ITPR3: variants seen among roughly 807,000 people sequenced by gnomAD.
ITPR3 encodes inositol 1,4,5-trisphosphate receptor type 3.
A neutral mutation model predicts 293.2 loss-of-function variants in ITPR3; 173 were observed. The ratio of observed to expected loss-of-function variants is 0.59; its 90% CI spans 0.52 to 0.67. The LOEUF is 0.67. Among genes scored for constraint, ITPR3 ranks in the 30% least tolerant of loss-of-function variants. The probability of loss-of-function intolerance (pLI) is 0.00; values close to 1 mark genes in which losing one functional copy is unlikely to be tolerated. For missense variants in ITPR3, 2,796 were observed against 3,592.1 expected (o/e 0.78, Z 5.66); for synonymous variants, 1,295 against 1,444.4 (o/e 0.90, Z 2.35).
At position 33,676,998 on chromosome 6, in the gene ITPR3, CCT is replaced by C. The variant is rs748332572; in HGVS notation, c.3448-10_3448-9del. The C allele has an allele frequency of 1.6e-5, 26 of 1,613,984 alleles. No homozygotes were observed. The highest frequency in any genetic ancestry group is 2.0e-5 in the Non-Finnish European group (24 of 1,179,970). On this transcript the variant is annotated splice_polypyrimidine_tract_variant and intron_variant, in intron 26 of 57. Transcript: ENST00000605930. Reference sequence around the variant, plus strand: ...AGGGCTGGGCCTGGCTGATCTCCTTCCTCTCTCTGCTTTCAGCGTCCCACGGA... The same window carrying C: ...AGGGCTGGGCCTGGCTGATCTCCTTCCTCTCTGCTTTCAGCGTCCCACGGA...
intron 39 of ITPR3, among the ~76,000 whole-genome samples, 186 bp from the exon 40 acceptor site, chr6:33,685,172 AC>A (rs1159402065): frequency 6.6e-5 from 10 of 152,134 alleles, no homozygotes. Flanking sequence ...GGACCACGTG[AC>A]ACAGGAGCAG....
At chr6:33,653,993 C>T (rs1014148094) in intron 2 of ITPR3, among the ~76,000 whole-genome samples, 1 of 152,166 alleles carries the variant, frequency 6.6e-6, no homozygotes, top group Non-Finnish European at 1.5e-5. Flanking sequence ...CTCTGCCGGG[C>T]GTGGTGGCTC....
rs201389648 is a variant in ITPR3 at position 33,680,352 on chromosome 6, C to T, written c.4248C>T (p.Phe1416=). The T allele has an allele frequency of 9.9e-6, 16 of 1,613,758 alleles. No individual in the cohort carries two copies. The highest frequency in any genetic ancestry group is 6.6e-5 in the South Asian group (6 of 91,080). ...ITEVKMAYVN[F]VNHCYVDTEV... ...AGGTGAAAATGGCCTATGTGAACTT[C>T]GTGAACCACTGCTACGTGGACACGG... Residue 1416 remains phenylalanine (F), a synonymous_variant, in exon 32 of 58, where the codon TTC becomes TTT. Transcript: ENST00000605930.
rs760406790 is a variant in ITPR3 at position 33,676,842 on chromosome 6, C to G, written c.3357C>G (p.Thr1119=). Reference sequence around the variant, plus strand: ...AGTCGGAGCTGGACCGGCTGCGGACCATGGTGGAGAAGTCAGAGCTGTGGG... The same window carrying G: ...AGTCGGAGCTGGACCGGCTGCGGACGATGGTGGAGAAGTCAGAGCTGTGGG... ...VIKSELDRLR[T]MVEKSELWVD... Residue 1119 remains threonine (T), a synonymous_variant, in exon 26 of 58, where the codon ACC becomes ACG. Coordinates refer to ENST00000605930, the MANE Select transcript of ITPR3 (RefSeq NM_002224.4). The G allele has an allele frequency of 6.2e-7, 1 of 1,614,072 alleles. No individual in the cohort carries two copies. Among genetic ancestry groups the G allele is most frequent in the Non-Finnish European group, 8.5e-7 (1 of 1,179,968 alleles).
At chr6:33,674,415 C>T in intron 24 of ITPR3, 150 bp downstream of exon 24, 1 of 683,948 alleles carries the variant, frequency 1.5e-6, no homozygotes, top group Admixed American at 2.8e-5. Context: ...TCAGCCCCTC[C>T]CCTGCCTCCC....
Position 33,682,626 on chromosome 6 carries a change from C to T in ITPR3, c.4579C>T (p.Arg1527Trp), listed in dbSNP as rs188286665. Residue 1527 changes from arginine (R) to tryptophan (W), a missense_variant, in exon 34 of 58, where the codon CGG becomes TGG. Arg to Trp is a moderately radical substitution (Grantham distance 101). Transcript: ENST00000605930. This position sits in a 1 kb window ranked among gnomAD's most constrained non-coding sequence, Gnocchi z 5.4. ...CAAGGGCTCCGTGGAGGCCTGCATCCGGACCCTCGCCATGGTGGGTGAGTG... is the reference window on the plus strand; with the variant it reads ...CAAGGGCTCCGTGGAGGCCTGCATCTGGACCCTCGCCATGGTGGGTGAGTG... ...QHKGSVEACI[R>W]TLAMVAKGRA... 1.6e-5 allele frequency: 25 copies of T among 1,596,624 alleles called. No homozygotes were observed. The highest frequency in any genetic ancestry group is 6.9e-5 in the Admixed American group (4 of 57,648).
Position 33,679,857 on chromosome 6 carries a change from G to T in ITPR3, c.3973-25G>T. ...AGGGCTTGCTGGACCGAGAGAGTGT[G>T]ACACGTGCCCCCTCCCACCCGCAGC... is the stretch of plus-strand genomic sequence containing the variant. On this transcript the variant is annotated intron_variant, in intron 30 of 57. Transcript: ENST00000605930. This position sits in a 1 kb window ranked among gnomAD's most constrained non-coding sequence, Gnocchi z 4.2. The T allele has an allele frequency of 6.3e-7, 1 of 1,596,912 alleles. No individual in the cohort carries two copies. Among genetic ancestry groups the T allele is most frequent in the South Asian group, 1.1e-5 (1 of 88,810 alleles).
Position 33,691,661 on chromosome 6 carries a change from C to T in ITPR3, c.7272C>T (p.Thr2424=). The T allele has an allele frequency of 6.2e-7, 1 of 1,614,006 alleles. No individual in the cohort carries two copies. Among genetic ancestry groups the T allele is most frequent in the Non-Finnish European group, 8.5e-7 (1 of 1,179,984 alleles). ...ATGGAGCTGCTGCATTTGTGGACAC[C>T]TGCAGTGGGGACAAGATGGACTGTG... ...MPHGAAAFVD[T]CSGDKMDCVS... Residue 2424 remains threonine, a synonymous_variant, in exon 53 of 58, where the codon ACC becomes ACT. Coordinates refer to ENST00000605930, the MANE Select transcript of ITPR3 (RefSeq NM_002224.4). This position sits in a 1 kb window ranked among gnomAD's most constrained non-coding sequence, Gnocchi z 4.9.
intron 7 of ITPR3, 35 bp from the exon 8 acceptor site, chr6:33,662,493 C>A: frequency 6.5e-7 from 1 of 1,546,178 alleles, no homozygotes; most frequent in Non-Finnish European, 8.7e-7. Context: ...CTGGAGGGGC[C>A]GCAGCCATCC....
In ITPR3 at chr6:33,675,940, C is replaced by A; in HGVS notation, c.3282+84C>A. Reference sequence around the variant, plus strand: ...CAGTAAACGATGATTGAGGAGCTCACAGCTCAAGGGGTAACTTGGGATGCC... The same window carrying A: ...CAGTAAACGATGATTGAGGAGCTCAAAGCTCAAGGGGTAACTTGGGATGCC... On this transcript the variant is annotated intron_variant, in intron 25 of 57. Transcript: ENST00000605930. The surrounding 1 kb of genome is among the most constrained non-coding windows in gnomAD (Gnocchi z 5.0). 7.1e-7 allele frequency: 1 copy of A among 1,417,702 alleles called. No individual in the cohort carries two copies. The highest frequency in any genetic ancestry group is 9.4e-7 in the Non-Finnish European group (1 of 1,068,424). The allele number at this position is 1,417,702 out of a possible 1,614,324, so 87.8% of individuals were successfully genotyped here. A position where few individuals can be genotyped will look rare whatever the true frequency, so the allele number is the denominator to read the frequency against.
At chr6:33,677,455 C>A in intron 27 of ITPR3, 49 bp from the exon 28 acceptor site, 1 of 1,604,218 alleles carries the variant, frequency 6.2e-7, no homozygotes, top group South Asian at 1.1e-5. Context: ...GGGCAGAGGG[C>A]AGCCTGAGAA....
chr6:33,663,880 G>A lies in ITPR3; in HGVS notation c.1148G>A (p.Arg383Gln), dbSNP rs1370675904. 6 of 1,614,012 alleles carry A rather than the reference G, an allele frequency of 3.7e-6. No individual in the cohort carries two copies. Among genetic ancestry groups the A allele is most frequent in the Admixed American group, 1.7e-5 (1 of 60,026 alleles). ...CAGAAAACCGACTCTTTCGTGCCCC[G>A]GTGGGTATGCGCCATGTGCCTGGGA... ...TLQKTDSFVPRNSYVRLRHLC... is the reference protein window; with the variant it reads ...TLQKTDSFVPQNSYVRLRHLC... The change falls in exon 11 of 58, where the codon CGG becomes CAG. Residue 383 changes from arginine (R) to glutamine (Q), a missense_variant and splice_region_variant. By Grantham distance (43) the Arg-to-Gln change is conservative. Around this residue, in one of 8 missense-constraint regions of ITPR3, gnomAD observed 955 missense variants for 1,180.8 expected, o/e 0.81. Transcript: ENST00000605930.
At position 33,672,610 on chromosome 6, in the gene ITPR3, C is replaced by T. The variant is rs940173797; in HGVS notation, c.2928+382C>T. Among the ~76,000 whole-genome samples, 1 of 152,106 alleles carries T rather than the reference C, an allele frequency of 6.6e-6. No homozygotes were observed. The highest frequency in any genetic ancestry group is 1.5e-5 in the Non-Finnish European group (1 of 68,018). On this transcript the variant is annotated intron_variant, in intron 22 of 57. Coordinates refer to ENST00000605930, the MANE Select transcript of ITPR3 (RefSeq NM_002224.4). This position sits in a 1 kb window ranked among gnomAD's most constrained non-coding sequence, Gnocchi z 5.0. The stretch of plus-strand genomic sequence containing the variant: ...AAACAGAAATGCACATTCTCCGGCC[C>T]CACCCTAGACCTACTGAGTCAGGAA...
chr6:33,640,161 C>G (rs1229492273), intron 1 of ITPR3, among the ~76,000 whole-genome samples: 1 of 152,156 alleles, frequency 6.6e-6, no homozygotes, highest in Admixed American at 6.5e-5. Context: ...GGTCTCAGGG[C>G]TGGGACAGGA....
chr6:33,626,861 A>G (rs1205913266), intron 1 of ITPR3, among the ~76,000 whole-genome samples: 1 of 152,172 alleles, frequency 6.6e-6, no homozygotes, highest in African/African-American at 2.4e-5. Flanking sequence ...GCTGGAGTAC[A>G]ATGGCACAAT....
chr6:33,659,433 C>T, intron 6 of ITPR3, 33 bp from the exon 7 acceptor site: 1 of 1,600,106 alleles, frequency 6.2e-7, no homozygotes, highest in Non-Finnish European at 8.6e-7. Context: ...CTGGGGTCCA[C>T]CTGGCGTCAC....
intron 41 of ITPR3, 24 bp downstream of exon 41, chr6:33,685,851 C>T (rs200836532): frequency 4.8e-5 from 75 of 1,551,310 alleles, no homozygotes; most frequent in Admixed American, 3.3e-4. Context: ...CACACACCTG[C>T]CCCTTCCCCC....
In ITPR3 at chr6:33,658,870, C is replaced by T. The variant is rs1377904600; in HGVS notation, c.528+42C>T. The stretch of plus-strand genomic sequence containing the variant: ...GGTTGGAGGGGCCTGGTGGAACTCC[C>T]GAGGGGCTTCTGTAGGGTCTTCGGT... On this transcript the variant is annotated intron_variant, in intron 5 of 57. Coordinates refer to ENST00000605930, the MANE Select transcript of ITPR3 (RefSeq NM_002224.4). The surrounding 1 kb of genome is among the most constrained non-coding windows in gnomAD (Gnocchi z 6.1). 2.1e-5 allele frequency: 34 copies of T among 1,610,794 alleles called. No homozygotes were observed. Among genetic ancestry groups the T allele is most frequent in the South Asian group, 7.7e-5 (7 of 90,768 alleles).
At chr6:33,650,766 C>T (rs1356788821) in intron 2 of ITPR3, among the ~76,000 whole-genome samples, 7 of 147,718 alleles carry the variant, frequency 4.7e-5, no homozygotes, top group South Asian at 4.3e-4. Flanking sequence ...TTTTTTTTAT[C>T]GTTTTCTGTT....
Sources: allele counts gnomAD v4.1 joint callset (sites outside exome capture counted in the v4.1 genomes callset), GRCh38; gene constraint gnomAD v4.1.1; regional missense constraint gnomAD v4.1.1; non-coding constraint Gnocchi (gnomAD v3.1); transcripts MANE v1.5; gene names NCBI Gene and HGNC (gene_info 2026-07-23, HGNC 2026-07-21).